The following WDR17 variants were observed in gnomAD, a reference collection of about 807,000 sequenced individuals.
WDR17 encodes WD repeat-containing protein 17.
WDR17 carries 143 observed loss-of-function variants against 161.7 expected under a neutral mutation model. The observed-to-expected ratio is 0.88, with a 90% CI of 0.77 to 1.02. The LOEUF (loss-of-function observed/expected upper bound fraction) is 1.02, where lower values mean the gene tolerates loss of function less well. Ranked by LOEUF, WDR17 falls within the 50% of genes least tolerant of loss-of-function variation. The probability of loss-of-function intolerance (pLI) is 0.00; values close to 1 mark genes in which losing one functional copy is unlikely to be tolerated. For missense variants in WDR17, 1,469 were observed against 1,520.9 expected (o/e 0.97, Z 0.57); for synonymous variants, 517 against 515.6 (o/e 1.00, Z -0.04).
intron 1 of WDR17, among the ~76,000 whole-genome samples, chr4:176,094,217 C>T (rs1736502830): frequency 6.6e-6 from 1 of 152,160 alleles, no homozygotes; most frequent in Non-Finnish European, 1.5e-5. Context: ...TTCCAAGTTT[C>T]AGGAATATAT....
intron 1 of WDR17, among the ~76,000 whole-genome samples, chr4:176,097,178 A>G (rs911863001): frequency 6.6e-5 from 10 of 152,038 alleles, no homozygotes; most frequent in African/African-American, 2.2e-4. Flanking sequence ...ACCTTGTCAA[A>G]TGGATTTAGT....
chr4:176,099,603 A>G (rs1737472417), intron 1 of WDR17, among the ~76,000 whole-genome samples: 1 of 152,302 alleles, frequency 6.6e-6, no homozygotes. Flanking sequence ...AAAATAATTT[A>G]TATAAAATTA....
Position 176,160,105 on chromosome 4 carries a change from A to G in WDR17, c.2637A>G (p.Lys879=). Residue 879 remains lysine, a synonymous_variant, in exon 19 of 29, where the codon AAA becomes AAG. Transcript: ENST00000508596. ...TTTTCATGTCAAGAGGTCAGCTTAA[A>G]GAAGCTCTGCTTGTTGCACAGGTAA... ...VHFFMSRGQL[K]EALLVAQAAC... is the part of the protein sequence containing the mutation. The G allele has an allele frequency of 1.2e-6, 2 of 1,613,830 alleles. No individual in the cohort carries two copies. The highest frequency in any genetic ancestry group is 2.2e-5 in the South Asian group (2 of 91,052).
intron 8 of WDR17, 179 bp downstream of exon 8, chr4:176,135,455 A>G: frequency 7.6e-6 from 5 of 659,654 alleles, no homozygotes; most frequent in South Asian, 2.0e-5. Context: ...CTATCTGCAG[A>G]GGCACTTTGA....
chr4:176,127,729 A>G (rs990485215), intron 5 of WDR17, among the ~76,000 whole-genome samples: 2 of 152,204 alleles, frequency 1.3e-5, no homozygotes, highest in Admixed American at 1.3e-4. Context: ...TATTACCACT[A>G]TCTAATTAAC....
At position 176,131,756 on chromosome 4, in the gene WDR17, CCTTT is replaced by C. The variant is rs781512974; in HGVS notation, c.1098+19_1098+22del. On this transcript the variant is annotated intron_variant, in intron 7 of 28. Coordinates refer to ENST00000508596, the MANE Select transcript of WDR17 (RefSeq NM_181265.4). ...GAGACTTGGTATGTATGTAGTCATT[CCTTT>C]ATTATACATAATAGTTTTTTGTGTA... 2 of 1,563,182 alleles carry C rather than the reference CCTTT, an allele frequency of 1.3e-6. No individual in the cohort carries two copies. Among genetic ancestry groups the C allele is most frequent in the East Asian group, 4.6e-5 (2 of 43,150 alleles).
chr4:176,107,769 G>A (rs1156942375), intron 1 of WDR17, among the ~76,000 whole-genome samples: 2 of 151,798 alleles, frequency 1.3e-5, no homozygotes, highest in African/African-American at 2.4e-5. Context: ...ACAGATATGT[G>A]GTTTACAAAT....
intron 1 of WDR17, among the ~76,000 whole-genome samples, chr4:176,107,575 T>C (rs545406890): frequency 1.5e-4 from 23 of 151,692 alleles, no homozygotes; most frequent in East Asian, 1.2e-3. Flanking sequence ...ATGGCATATA[T>C]GCACAATGGA....
intron 10 of WDR17, 70 bp from the exon 11 acceptor site, chr4:176,141,913 C>A: frequency 8.2e-7 from 1 of 1,212,204 alleles, no homozygotes; most frequent in Non-Finnish European, 1.2e-6. Context: ...ATTTACAATT[C>A]TGACTTTGTT....
chr4:176,177,532 T>G lies in WDR17; in HGVS notation c.3610T>G (p.Leu1204Val). The G allele has an allele frequency of 6.3e-7, 1 of 1,598,862 alleles. No individual in the cohort carries two copies. The highest frequency in any genetic ancestry group is 1.7e-4 in the Middle Eastern group (1 of 6,002). The change falls in exon 28 of 29, where the codon TTA (leucine) becomes GTA (valine). Residue 1204 changes from leucine to valine, a missense_variant. By Grantham distance (32) the Leu-to-Val change is conservative. Transcript: ENST00000508596. ...SDSQRMIYAT[L>V]LKRLKEESLK... is the part of the protein sequence containing the mutation. Reference sequence around the variant, plus strand: ...TTCACAAAGAATGATTTATGCAACTTTATTAAAGAGACTAAAAGAAGAGTC... The same window carrying G: ...TTCACAAAGAATGATTTATGCAACTGTATTAAAGAGACTAAAAGAAGAGTC...
intron 1 of WDR17, among the ~76,000 whole-genome samples, chr4:176,099,000 G>C (rs1328274889): frequency 6.6e-6 from 1 of 151,748 alleles, no homozygotes; most frequent in Admixed American, 6.6e-5. Flanking sequence ...ATCTAATTTT[G>C]GAAACTAAAA....
At chr4:176,098,095 C>G (rs1250177905) in intron 1 of WDR17, 1 of 151,804 alleles carries the variant, frequency 6.6e-6, no homozygotes, top group African/African-American at 2.4e-5. Context: ...AATGAAAGAT[C>G]CTATTCTGAA....
At chr4:176,170,316 C>CTTTTTTT (rs34343977) in intron 23 of WDR17, among the ~76,000 whole-genome samples, 24 of 125,142 alleles carry the variant, frequency 1.9e-4, no homozygotes, top group Non-Finnish European at 2.3e-4. Context: ...TTTCTTTTTT[C>CTTTTTTT]TTTTTTTTTT....
intron 3 of WDR17, among the ~76,000 whole-genome samples, chr4:176,118,822 A>G (rs1208302838): frequency 7.9e-5 from 12 of 151,700 alleles, no homozygotes. Flanking sequence ...TTAACCGGGC[A>G]TGGTGGCGGG....
At chr4:176,149,168 T>G (rs1290996928) in intron 13 of WDR17, among the ~76,000 whole-genome samples, 1 of 151,562 alleles carries the variant, frequency 6.6e-6, no homozygotes, top group Non-Finnish European at 1.5e-5. Context: ...GTATACTTGT[T>G]GCTGCTTAAC....
chr4:176,154,945 G>A (rs1320098139), intron 17 of WDR17, among the ~76,000 whole-genome samples: 1 of 152,062 alleles, frequency 6.6e-6, no homozygotes, highest in Non-Finnish European at 1.5e-5. Context: ...ATTAAACAAT[G>A]AGCTTCTTCA....
chr4:176,084,215 G>A (rs1312641313), intron 1 of WDR17, among the ~76,000 whole-genome samples: 1 of 152,060 alleles, frequency 6.6e-6, no homozygotes, highest in African/African-American at 2.4e-5. Flanking sequence ...TTAAGCTCAT[G>A]ATTCTAATGT....
intron 1 of WDR17, among the ~76,000 whole-genome samples, chr4:176,091,669 T>C (rs187436423): frequency 1.3e-5 from 2 of 151,528 alleles, no homozygotes; most frequent in East Asian, 1.9e-4. Context: ...TTGAAACAAA[T>C]ACAAAAGATC....
chr4:176,141,722 C>T lies in WDR17; in HGVS notation c.1443-261C>T, dbSNP rs1295478102. 2.6e-5 allele frequency among the ~76,000 whole-genome samples: 4 copies of T among 152,160 alleles called. No homozygotes were observed. The South Asian group carries it at 6.2e-4, about 24-fold the overall frequency. ...TGCTGGGATTATAGGCATGAGCCAC[C>T]GTGCCCGGCCAAGAAAATAGTTTTT... On this transcript the variant is annotated intron_variant, in intron 10 of 28. Transcript: ENST00000508596.
Sources: allele counts gnomAD v4.1 joint callset (sites outside exome capture counted in the v4.1 genomes callset), GRCh38; gene constraint gnomAD v4.1.1; transcripts MANE v1.5; gene names NCBI Gene and HGNC (gene_info 2026-07-23, HGNC 2026-07-21).